The following CNNM4 variants were observed in gnomAD, a reference collection of about 807,000 sequenced individuals.
CNNM4 encodes the protein metal transporter CNNM4.
Under a neutral mutation model 53.7 loss-of-function variants are expected in CNNM4, and 32 were observed. The observed-to-expected ratio is 0.60, with a 90% CI of 0.45 to 0.80. The LOEUF is 0.80. Among genes scored for constraint, CNNM4 ranks in the 30% least tolerant of loss-of-function variants. CNNM4 has a pLI of 0.00. For missense variants in CNNM4, 784 were observed against 1,022.0 expected (o/e 0.77, Z 3.17); for synonymous variants, 410 against 440.0 (o/e 0.93, Z 0.85).
chr2:96,764,745 T>C (rs558319916), intron 1 of CNNM4, among the ~76,000 whole-genome samples: 1 of 152,080 alleles, frequency 6.6e-6, no homozygotes, highest in Non-Finnish European at 1.5e-5. Context: ...CCCAGCACTT[T>C]GGGAGGGCGA....
chr2:96,799,020 C>T, intron 3 of CNNM4, 37 bp from the exon 4 acceptor site: 2 of 1,609,776 alleles, frequency 1.2e-6, no homozygotes, highest in Non-Finnish European at 8.5e-7. Flanking sequence ...GCCACCTGGC[C>T]AGCCCCGTGT....
chr2:96,778,236 A>G (rs1445659633), intron 1 of CNNM4, among the ~76,000 whole-genome samples: 1 of 151,344 alleles, frequency 6.6e-6, no homozygotes, highest in African/African-American at 2.4e-5. Context: ...TTCTTTATAT[A>G]GTTATGTATA....
At chr2:96,799,367 C>G in intron 4 of CNNM4, 141 bp downstream of exon 4, 1 of 1,266,956 alleles carries the variant, frequency 7.9e-7, no homozygotes, top group Non-Finnish European at 1.1e-6. Context: ...CCCGCCTGCC[C>G]CACGTGGCCA....
chr2:96,802,317 G>C (rs1007872853), intron 5 of CNNM4, among the ~76,000 whole-genome samples: 1 of 152,212 alleles, frequency 6.6e-6, no homozygotes, highest in Non-Finnish European at 1.5e-5. Flanking sequence ...AGTGAGCACC[G>C]GCCAGCCTGC....
intron 1 of CNNM4, among the ~76,000 whole-genome samples, chr2:96,768,964 C>G (rs755039202): frequency 6.6e-6 from 1 of 152,150 alleles, no homozygotes; most frequent in African/African-American, 2.4e-5. Context: ...TAAGAGTCAG[C>G]CAAGAGGCCG....
chr2:96,775,614 C>T (rs1276426708), intron 1 of CNNM4, among the ~76,000 whole-genome samples: 2 of 152,154 alleles, frequency 1.3e-5, no homozygotes, highest in Non-Finnish European at 2.9e-5. Context: ...TTACAAAGTG[C>T]TTGTATCAGT....
chr2:96,797,185 C>A lies in CNNM4; in HGVS notation c.1546+30C>A. The A allele has an allele frequency of 1.2e-6, 2 of 1,613,766 alleles. No homozygotes were observed. The highest frequency in any genetic ancestry group is 1.7e-6 in the Non-Finnish European group (2 of 1,179,956). On this transcript the variant is annotated intron_variant, in intron 2 of 6. Transcript: ENST00000377075. The surrounding 1 kb of genome is among the most constrained non-coding windows in gnomAD (Gnocchi z 6.0). ...GTCCAGCCTTCCACAGGGCCCAGGA[C>A]CCCTTTCCTGCTTGGATCGAAACTT...
At chr2:96,767,423 C>G (rs1458632940) in intron 1 of CNNM4, among the ~76,000 whole-genome samples, 1 of 152,126 alleles carries the variant, frequency 6.6e-6, no homozygotes, top group Non-Finnish European at 1.5e-5. Flanking sequence ...AATCTCAGAA[C>G]AAAGCCACCT....
intron 5 of CNNM4, among the ~76,000 whole-genome samples, chr2:96,802,505 C>A (rs1208537759): frequency 6.6e-6 from 1 of 152,260 alleles, no homozygotes; most frequent in African/African-American, 2.4e-5. Context: ...AACTGCGAGG[C>A]CATGAGGGGC....
Position 96,797,009 on chromosome 2 carries a change from C to T in CNNM4, c.1403-3C>T. 1 of 1,612,712 alleles carries T rather than the reference C, an allele frequency of 6.2e-7. No individual in the cohort carries two copies. The highest frequency in any genetic ancestry group is 1.1e-5 in the South Asian group (1 of 90,994). On this transcript the variant is annotated splice_region_variant and splice_polypyrimidine_tract_variant and intron_variant, in intron 1 of 6. Transcript: ENST00000377075. The surrounding 1 kb of genome is among the most constrained non-coding windows in gnomAD (Gnocchi z 6.0). ...TTGTCTGACTTGCTGCATTGTCCCA[C>T]AGGGAAGTCCCACCTGGCCATCGTG... is the stretch of plus-strand genomic sequence containing the variant.
At chr2:96,805,418 GTTTTTTT>G (rs898761608) in intron 5 of CNNM4, among the ~76,000 whole-genome samples, 1 of 76,158 alleles carries the variant, frequency 1.3e-5, no homozygotes, top group Non-Finnish European at 2.6e-5. Flanking sequence ...CTTCTTTTCA[GTTTTTTT>G]TTTTTTTTTT....
chr2:96,799,015 C>T, intron 3 of CNNM4, 42 bp from the exon 4 acceptor site: 6 of 1,606,678 alleles, frequency 3.7e-6, no homozygotes, highest in Non-Finnish European at 5.1e-6. Context: ...TTAGGGCCAC[C>T]TGGCCAGCCC....
At chr2:96,782,943 C>G (rs958905948) in intron 1 of CNNM4, among the ~76,000 whole-genome samples, 1 of 152,182 alleles carries the variant, frequency 6.6e-6, no homozygotes, top group Non-Finnish European at 1.5e-5. Context: ...TGGGGGCTCA[C>G]ACGTGTAATC....
chr2:96,808,506 G>A lies in CNNM4; in HGVS notation c.1949-55G>A, dbSNP rs1284886654. On this transcript the variant is annotated intron_variant, in intron 5 of 6. Transcript: ENST00000377075. The surrounding 1 kb of genome is among the most constrained non-coding windows in gnomAD (Gnocchi z 4.9). ...CCATGGGATGAGGTGAGACATGAGG[G>A]TGAGAGTGGGCATCGGAGTGGCCTT... The A allele has an allele frequency of 2.5e-6, 4 of 1,584,610 alleles. No homozygotes were observed. Among genetic ancestry groups the A allele is most frequent in the African/African-American group, 2.7e-5 (2 of 74,256 alleles).
intron 5 of CNNM4, among the ~76,000 whole-genome samples, chr2:96,805,129 G>C (rs2079190180): frequency 6.6e-6 from 1 of 152,006 alleles, no homozygotes; most frequent in African/African-American, 2.4e-5. Flanking sequence ...GAAGTATTAA[G>C]TAATACCCCT....
At chr2:96,806,139 C>A (rs980790490) in intron 5 of CNNM4, among the ~76,000 whole-genome samples, 4 of 148,332 alleles carry the variant, frequency 2.7e-5, no homozygotes, top group East Asian at 2.0e-4. Context: ...CTGACCCCCC[C>A]ACCGCCCTCC....
intron 1 of CNNM4, among the ~76,000 whole-genome samples, chr2:96,772,441 C>T (rs534902059): frequency 7.1e-6 from 1 of 141,104 alleles, no homozygotes; most frequent in South Asian, 2.4e-4. Flanking sequence ...TGCGCACACA[C>T]ACTCATACCC....
intron 1 of CNNM4, among the ~76,000 whole-genome samples, chr2:96,792,800 C>G (rs544952511): frequency 2.0e-5 from 3 of 151,016 alleles, no homozygotes; most frequent in Non-Finnish European, 4.4e-5. Context: ...AAGACTACAT[C>G]TCAAAAAAAA....
At chr2:96,778,528 G>A (rs1322738919) in intron 1 of CNNM4, among the ~76,000 whole-genome samples, 1 of 150,320 alleles carries the variant, frequency 6.7e-6, no homozygotes, top group East Asian at 1.9e-4. Flanking sequence ...CTGCACTCCA[G>A]CCTGGGCGAC....
Sources: allele counts gnomAD v4.1 joint callset (sites outside exome capture counted in the v4.1 genomes callset), GRCh38; gene constraint gnomAD v4.1.1; non-coding constraint Gnocchi (gnomAD v3.1); transcripts MANE v1.5; gene names NCBI Gene and HGNC (gene_info 2026-07-23, HGNC 2026-07-21).